ACTR3C: variants seen among roughly 807,000 people sequenced by gnomAD.
ACTR3C encodes actin related protein 3C.
Under a neutral mutation model 26.3 loss-of-function variants are expected in ACTR3C, and 18 were observed. The observed-to-expected ratio is 0.68, with a 90% CI of 0.47 to 1.01. ACTR3C has a LOEUF of 1.01. ACTR3C is among the 50% of genes least tolerant of loss of function. The pLI is 0.00. For synonymous variants in ACTR3C, 55 were observed against 94.5 expected (o/e 0.58, Z 2.42); for missense variants, 184 against 250.7 (o/e 0.73, Z 1.80).
chr7:150,199,332 G>A, the ACTR3C span, among the ~76,000 whole-genome samples: 3 of 124,754 alleles, frequency 2.4e-5, no homozygotes, highest in East Asian at 2.2e-4. Context: ...TCTGAAACAT[G>A]TGCTGTGTCC....
At chr7:150,135,652 G>A in the ACTR3C span, among the ~76,000 whole-genome samples, 1 of 152,048 alleles carries the variant, frequency 6.6e-6, no homozygotes, top group Non-Finnish European at 1.5e-5. Context: ...TAAGAGCCAC[G>A]GTTACACACC....
the ACTR3C span, among the ~76,000 whole-genome samples, chr7:150,235,728 T>C: frequency 2.0e-5 from 3 of 152,100 alleles, no homozygotes; most frequent in African/African-American, 7.3e-5. Context: ...TCATTAGGAA[T>C]GTAAAAACAC....
chr7:149,944,262 C>T, the ACTR3C span, among the ~76,000 whole-genome samples: 2 of 151,946 alleles, frequency 1.3e-5, no homozygotes, highest in East Asian at 3.9e-4. Flanking sequence ...GATGAGGGAA[C>T]TGAAGTTAAG....
At chr7:150,037,712 T>C in the ACTR3C span, among the ~76,000 whole-genome samples, 2 of 93,298 alleles carry the variant, frequency 2.1e-5, no homozygotes, top group Admixed American at 1.0e-4. Context: ...TGATGGGGGG[T>C]CCTAAGCCAG....
the ACTR3C span, among the ~76,000 whole-genome samples, chr7:150,038,814 C>A: frequency 3.0e-4 from 43 of 141,686 alleles, no homozygotes; most frequent in Middle Eastern, 3.7e-3. Flanking sequence ...GTGCCTCCCC[C>A]CTCTGCGATG....
rs569867361 is a variant in ACTR3C, at chr7:150,250,535, T to A, written c.565-1481A>T. Among the ~76,000 whole-genome samples the A allele has an allele frequency of 1.8e-4, 27 of 151,712 alleles. 1 individual carries two copies. The highest frequency in any genetic ancestry group is 1.2e-3 in the South Asian group (6 of 4,816). On this transcript the variant is annotated intron_variant, in intron 6 of 7. Coordinates refer to ENST00000683684, the MANE Select transcript of ACTR3C (RefSeq NM_001164458.2). ...ATTTTTAAAATATCACCTTAGCTAC[T>A]GTGTTGAGATTTCAGTGTGAGGGTT... is the stretch of plus-strand genomic sequence containing the variant.
chr7:150,258,050 T>C (rs1484726567), intron 6 of ACTR3C, among the ~76,000 whole-genome samples: 2 of 152,190 alleles, frequency 1.3e-5, no homozygotes, highest in Non-Finnish European at 2.9e-5. Context: ...AGATGGTTAA[T>C]AGAGTGTCTG....
chr7:149,903,742 CTA>C, the ACTR3C span, among the ~76,000 whole-genome samples: 1 of 150,440 alleles, frequency 6.6e-6, no homozygotes, highest in African/African-American at 2.4e-5. Flanking sequence ...CAGGGTCTCA[CTA>C]TGTTGCCAAG....
chr7:150,080,513 GTGTTTGTGTGTGTA>G, the ACTR3C span, among the ~76,000 whole-genome samples: 23 of 132,926 alleles, frequency 1.7e-4, no homozygotes, highest in East Asian at 6.7e-4. Flanking sequence ...TGCTGTATGA[GTGTTTGTGTGTGTA>G]TGTGTGTGTG....
intron 6 of ACTR3C, among the ~76,000 whole-genome samples, chr7:150,257,696 C>A (rs1203050931): frequency 1.3e-5 from 2 of 152,112 alleles, no homozygotes; most frequent in Non-Finnish European, 2.9e-5. Flanking sequence ...TGGAAATGCC[C>A]AAATTGCCCT....
At chr7:150,169,555 T>C in the ACTR3C span, among the ~76,000 whole-genome samples, 1 of 150,062 alleles carries the variant, frequency 6.7e-6, no homozygotes, top group Non-Finnish European at 1.5e-5. Flanking sequence ...TCCAGAACTG[T>C]GGGAAAAAAA....
chr7:150,265,539 C>T (rs190110261), intron 6 of ACTR3C, among the ~76,000 whole-genome samples: 2,434 of 152,074 alleles, frequency 0.016, 25 homozygotes, highest in Non-Finnish European at 0.026. Flanking sequence ...ACTAAAAATA[C>T]ACAAATTAGC....
the ACTR3C span, among the ~76,000 whole-genome samples, chr7:150,036,961 T>A: frequency 3.4e-4 from 24 of 69,668 alleles, no homozygotes; most frequent in South Asian, 4.8e-4. Context: ...AACCAGGGGC[T>A]GGCTCTCAGT....
At chr7:149,906,675 G>A in the ACTR3C span, among the ~76,000 whole-genome samples, 4 of 140,112 alleles carry the variant, frequency 2.9e-5, no homozygotes, top group Admixed American at 7.2e-5. Flanking sequence ...CAGGTGATTC[G>A]CCCACCTTGG....
the ACTR3C span, among the ~76,000 whole-genome samples, chr7:149,971,868 T>A: frequency 1.3e-5 from 2 of 152,256 alleles, no homozygotes; most frequent in African/African-American, 4.8e-5. Flanking sequence ...GCGCCCTGAC[T>A]GCATCTCAGC....
At chr7:149,926,428 A>G in the ACTR3C span, among the ~76,000 whole-genome samples, 79 of 152,314 alleles carry the variant, frequency 5.2e-4, no homozygotes, top group African/African-American at 1.8e-3. Flanking sequence ...GTGGCAAACA[A>G]CGTGGTTTAT....
chr7:150,024,285 G>A, the ACTR3C span, among the ~76,000 whole-genome samples: 3 of 152,082 alleles, frequency 2.0e-5, no homozygotes, highest in Non-Finnish European at 2.9e-5. Flanking sequence ...ATATGGGCCC[G>A]AGATGGCAGC....
At chr7:149,898,705 TA>T in the ACTR3C span, among the ~76,000 whole-genome samples, 29 of 150,384 alleles carry the variant, frequency 1.9e-4, no homozygotes, top group South Asian at 2.7e-3. Flanking sequence ...AGACTCTGTG[TA>T]AAAAAAAATA....
At chr7:149,941,327 C>G in the ACTR3C span, among the ~76,000 whole-genome samples, 1 of 152,204 alleles carries the variant, frequency 6.6e-6, no homozygotes, top group Non-Finnish European at 1.5e-5. Flanking sequence ...ACTAGACCAT[C>G]AGACCAATTT....
Sources: allele counts gnomAD v4.1 joint callset (sites outside exome capture counted in the v4.1 genomes callset), GRCh38; gene constraint gnomAD v4.1.1; transcripts MANE v1.5; gene names NCBI Gene and HGNC (gene_info 2026-07-23, HGNC 2026-07-21).